Variants in DHRSX observed in about 807,000 individuals in gnomAD.
DHRSX encodes the protein polyprenol dehydrogenase.
In DHRSX, 31 loss-of-function variants were observed where a neutral mutation model predicts 34.0. The ratio of observed to expected loss-of-function variants is 0.91; its 90% CI spans 0.69 to 1.23. The LOEUF (loss-of-function observed/expected upper bound fraction) is 1.23, where lower values mean the gene tolerates loss of function less well. DHRSX is among the 50% of genes most tolerant of loss of function. The pLI is 0.00. For missense variants in DHRSX, 414 were observed against 428.1 expected, an observed-to-expected ratio of 0.97 and a Z score of 0.29; for synonymous variants, 201 against 183.8, an observed-to-expected ratio of 1.09 and a Z score of -0.76.
intron 1 of DHRSX, among the ~76,000 whole-genome samples, chrX:2,497,647 G>A (rs1194088122): frequency 1.3e-5 from 2 of 152,166 alleles, no homozygotes; most frequent in African/African-American, 4.8e-5. Flanking sequence ...GGAATATTCT[G>A]TGGCCTATTA....
intron 3 of DHRSX, among the ~76,000 whole-genome samples, chrX:2,399,465 G>A (rs749432088): frequency 6.6e-6 from 1 of 150,490 alleles, no homozygotes; most frequent in Admixed American, 6.6e-5. Flanking sequence ...CCAGCACTTC[G>A]GGAGGCCAAG....
In DHRSX at chrX:2,482,176, C is replaced by G. The variant is rs191276871; in HGVS notation, c.109+18641G>C. 2.0e-5 allele frequency among the ~76,000 whole-genome samples: 3 copies of G among 150,548 alleles called. No homozygotes were observed. The Admixed American group carries it at 2.0e-4, about 10-fold the overall frequency. The stretch of plus-strand genomic sequence containing the variant: ...AGCATCTCTCTCCTTGTTGCACAGG[C>G]TGGAGTGCAGTGGTGCGATCACATT... On this transcript the variant is annotated intron_variant, in intron 1 of 6. Coordinates refer to ENST00000334651, the MANE Select transcript of DHRSX (RefSeq NM_145177.3).
chrX:2,221,528 ACT>A (rs2015519412), intron 6 of DHRSX, among the ~76,000 whole-genome samples: 1 of 152,014 alleles, frequency 6.6e-6, no homozygotes, highest in African/African-American at 2.4e-5. Context: ...TTAATCACGC[ACT>A]CTTTATGGGA....
chrX:2,488,862 G>A (rs1476536834), intron 1 of DHRSX: 12 of 1,613,226 alleles, frequency 7.4e-6, no homozygotes, highest in South Asian at 2.2e-5. Flanking sequence ...CCGAAGAGAC[G>A]CTCAGGGGCG....
At chrX:2,339,476 G>A (rs1238872404) in intron 3 of DHRSX, among the ~76,000 whole-genome samples, 1 of 151,828 alleles carries the variant, frequency 6.6e-6, no homozygotes, top group Non-Finnish European at 1.5e-5. Flanking sequence ...TGAGATTTTG[G>A]TGCACCCATT....
intron 3 of DHRSX, among the ~76,000 whole-genome samples, chrX:2,348,879 AGAC>A (rs2042752681): frequency 6.6e-6 from 1 of 151,932 alleles, no homozygotes; most frequent in African/African-American, 2.4e-5. Flanking sequence ...TTTTTAGTAG[AGAC>A]GACATTTCAC....
chrX:2,265,794 C>T (rs1245521123), intron 5 of DHRSX, among the ~76,000 whole-genome samples: 54 of 141,920 alleles, frequency 3.8e-4, no homozygotes, highest in Non-Finnish European at 7.9e-4. Context: ...CCCAGAGCAC[C>T]GGTGTCCAGC....
chrX:2,273,296 A>G (rs768146792), intron 4 of DHRSX, among the ~76,000 whole-genome samples: 1 of 152,328 alleles, frequency 6.6e-6, no homozygotes, highest in South Asian at 2.1e-4. Context: ...TTGCAAACAT[A>G]CGGAATCAAC....
intron 1 of DHRSX, chrX:2,490,248 G>A (rs1173804336): frequency 6.2e-7 from 1 of 1,613,922 alleles, no homozygotes; most frequent in Admixed American, 1.7e-5. Context: ...TCATACCGGG[G>A]GTCGGCCGTC....
At chrX:2,249,105 A>C (rs927298118) in intron 5 of DHRSX, among the ~76,000 whole-genome samples, 1 of 151,838 alleles carries the variant, frequency 6.6e-6, no homozygotes, top group African/African-American at 2.4e-5. Flanking sequence ...TGGCCAGACA[A>C]CCAAAGGAAG....
At chrX:2,254,951 C>G (rs1345555443) in intron 5 of DHRSX, among the ~76,000 whole-genome samples, 2 of 144,740 alleles carry the variant, frequency 1.4e-5, no homozygotes, top group Admixed American at 1.4e-4. Flanking sequence ...CCCACGCCCC[C>G]CCCCTTTTTT....
At chrX:2,458,166 T>C (rs184866945) in intron 1 of DHRSX, among the ~76,000 whole-genome samples, 6 of 152,010 alleles carry the variant, frequency 3.9e-5, no homozygotes, top group African/African-American at 1.4e-4. Flanking sequence ...TTCCTAAGCA[T>C]GTGGTCAAGA....
intron 4 of DHRSX, among the ~76,000 whole-genome samples, chrX:2,277,053 A>G (rs868133118): frequency 1.3e-5 from 1 of 78,662 alleles, no homozygotes; most frequent in Admixed American, 1.1e-4. Flanking sequence ...AGAGGAGGAG[A>G]GGGAGGAAAT....
At chrX:2,354,381 C>A (rs1212778694) in intron 3 of DHRSX, among the ~76,000 whole-genome samples, 1 of 152,222 alleles carries the variant, frequency 6.6e-6, no homozygotes, top group East Asian at 1.9e-4. Context: ...GGGATTCCCT[C>A]AGCTTAGAGA....
intron 3 of DHRSX, among the ~76,000 whole-genome samples, chrX:2,304,363 A>ATG (rs2042075749): frequency 1.6e-5 from 2 of 121,714 alleles, no homozygotes; most frequent in Admixed American, 1.8e-4. Context: ...ATGGATGGAT[A>ATG]GATGGATGGA....
At chrX:2,306,893 C>T (rs1394506851) in intron 3 of DHRSX, among the ~76,000 whole-genome samples, 5 of 148,260 alleles carry the variant, frequency 3.4e-5, no homozygotes, top group Non-Finnish European at 7.4e-5. Flanking sequence ...TACATCTGGT[C>T]GAATTCAGCT....
rs540903497 is a variant in DHRSX, at chrX:2,312,214, C to T, written c.287-20611G>A. On this transcript the variant is annotated intron_variant, in intron 3 of 6. Coordinates refer to ENST00000334651, the MANE Select transcript of DHRSX (RefSeq NM_145177.3). ...AATCAAGAGAAATCTTGAGTTCCTT[C>T]CAGGAAGGAAACTCCAGGCACTTCG... Among the ~76,000 whole-genome samples the T allele has an allele frequency of 1.2e-4, 18 of 152,130 alleles. No individual in the cohort carries two copies. The South Asian group carries it at 3.5e-3, about 30-fold the overall frequency.
At chrX:2,355,423 G>A (rs935935767) in intron 3 of DHRSX, among the ~76,000 whole-genome samples, 17 of 145,050 alleles carry the variant, frequency 1.2e-4, no homozygotes, top group Admixed American at 2.2e-4. Context: ...GAGGTGGGAC[G>A]ATGTCTTCAG....
intron 1 of DHRSX, among the ~76,000 whole-genome samples, chrX:2,446,946 C>T (rs1465589057): frequency 6.6e-6 from 1 of 151,868 alleles, no homozygotes; most frequent in Non-Finnish European, 1.5e-5. Context: ...CGCACTGAAG[C>T]CATGTACGCA....
Sources: gnomAD v4.1 joint callset for allele counts (sites outside exome capture counted in the v4.1 genomes callset) on GRCh38, gnomAD v4.1.1 for gene constraint, MANE v1.5 for transcripts, NCBI Gene and HGNC (gene_info 2026-07-23, HGNC 2026-07-21) for gene names.